MTUS2: variants seen among roughly 807,000 people sequenced by gnomAD.
MTUS2 encodes microtubule associated scaffold protein 2, also known as microtubule-associated tumor suppressor candidate 2.
MTUS2 carries 40 observed loss-of-function variants against 114.1 expected under a neutral mutation model. The ratio of observed to expected loss-of-function variants is 0.35; its 90% CI spans 0.27 to 0.46. The LOEUF (loss-of-function observed/expected upper bound fraction) is 0.46, where lower values mean the gene tolerates loss of function less well. Ranked by LOEUF, MTUS2 falls within the 20% of genes least tolerant of loss-of-function variation. The pLI is 1.00. For synonymous variants in MTUS2, 688 were observed against 672.0 expected (o/e 1.02, Z -0.37); for missense variants, 1,679 against 1,705.4 (o/e 0.98, Z 0.27).
chr13:28,865,216 C>A (rs1249281671), intron 2 of MTUS2, among the ~76,000 whole-genome samples: 1 of 152,120 alleles, frequency 6.6e-6, no homozygotes, highest in Non-Finnish European at 1.5e-5. Flanking sequence ...GGTTGAGTAG[C>A]TCTGGGCTGG....
chr13:29,325,455 CAA>C (rs761433335), intron 7 of MTUS2, among the ~76,000 whole-genome samples: 8 of 52,316 alleles, frequency 1.5e-4, no homozygotes, highest in African/African-American at 4.2e-4. Context: ...GACTTCATCT[CAA>C]AAAAAAAAAA....
chr13:29,098,393 C>T (rs1244358148), intron 4 of MTUS2, among the ~76,000 whole-genome samples: 1 of 152,062 alleles, frequency 6.6e-6, no homozygotes, highest in African/African-American at 2.4e-5. Context: ...ATTAGATTTA[C>T]AAAAATTGTA....
intron 9 of MTUS2, among the ~76,000 whole-genome samples, chr13:29,449,996 A>G (rs1472330610): frequency 1.3e-5 from 2 of 152,218 alleles, no homozygotes; most frequent in Non-Finnish European, 2.9e-5. Context: ...CCTTACAGCC[A>G]CTGTCCTATG....
Position 29,145,377 on chromosome 13 carries a change from G to A in MTUS2, c.2644+44407G>A, listed in dbSNP as rs147249113. The stretch of plus-strand genomic sequence containing the variant: ...TCTACTAAAAATACAAAAATGAGCC[G>A]GGCATGTTGGTGGGCACCTGTAATC... On this transcript the variant is annotated intron_variant, in intron 5 of 15. Coordinates refer to ENST00000612955, the MANE Select transcript of MTUS2 (RefSeq NM_001033602.4). Among the ~76,000 whole-genome samples, 226 of 152,066 alleles carry A rather than the reference G, an allele frequency of 1.5e-3. 1 individual carries two copies. Among genetic ancestry groups the A allele is most frequent in the African/African-American group, 4.9e-3 (203 of 41,476 alleles).
chr13:29,307,428 G>A, intron 6 of MTUS2: 1 of 1,275,458 alleles, frequency 7.8e-7, no homozygotes, highest in Admixed American at 1.7e-5. Flanking sequence ...CCAAGGCTGT[G>A]GCCAAGGTCA....
intron 9 of MTUS2, among the ~76,000 whole-genome samples, chr13:29,457,042 G>A (rs532594471): frequency 6.6e-6 from 1 of 151,898 alleles, no homozygotes; most frequent in South Asian, 2.1e-4. Context: ...CTACTCGGGA[G>A]GCTGAGGCAG....
At chr13:28,894,761 T>C (rs1360528845) in intron 2 of MTUS2, among the ~76,000 whole-genome samples, 1 of 152,218 alleles carries the variant, frequency 6.6e-6, no homozygotes, top group Non-Finnish European at 1.5e-5. Context: ...CAAATTTTGG[T>C]AAAGGGTAGG....
chr13:29,300,888 A>C (rs540014636), intron 6 of MTUS2, among the ~76,000 whole-genome samples: 4 of 152,340 alleles, frequency 2.6e-5, no homozygotes, highest in African/African-American at 9.6e-5. Flanking sequence ...GCTTATAAAC[A>C]ACGAACATTT....
chr13:28,932,202 T>C (rs746526490), intron 2 of MTUS2, among the ~76,000 whole-genome samples: 7 of 152,152 alleles, frequency 4.6e-5, no homozygotes, highest in Non-Finnish European at 1.0e-4. Context: ...AGAGTGGAAA[T>C]AGTAAGGTCT....
intron 2 of MTUS2, among the ~76,000 whole-genome samples, chr13:28,947,312 C>T (rs1882583302): frequency 6.6e-6 from 1 of 151,962 alleles, no homozygotes; most frequent in Non-Finnish European, 1.5e-5. Flanking sequence ...GGCTGTGCAA[C>T]CTGGAACTGA....
chr13:29,042,987 A>G (rs1887442037), intron 4 of MTUS2, among the ~76,000 whole-genome samples: 1 of 151,416 alleles, frequency 6.6e-6, no homozygotes, highest in East Asian at 1.9e-4. Context: ...GATCTTTGTT[A>G]GTTCTTTTCT....
At chr13:28,925,416 T>C (rs1881271913) in intron 2 of MTUS2, among the ~76,000 whole-genome samples, 1 of 152,254 alleles carries the variant, frequency 6.6e-6, no homozygotes, top group Non-Finnish European at 1.5e-5. Flanking sequence ...GTAATCAATT[T>C]AAGTATTTTA....
At chr13:29,169,139 G>A (rs1483055478) in intron 5 of MTUS2, among the ~76,000 whole-genome samples, 2 of 152,072 alleles carry the variant, frequency 1.3e-5, no homozygotes, top group African/African-American at 2.4e-5. Flanking sequence ...TCAAAATTAG[G>A]CCTTACTAAT....
rs186811905 is a variant in MTUS2, at chr13:29,334,404, G to A, written c.2905+9693G>A. ...GAGCTCTTGTAAGGCAGGCCTGGTG[G>A]TGACAAAATCTCTCAGTATTTGCTT... On this transcript the variant is annotated intron_variant, in intron 7 of 15. Transcript: ENST00000612955. Among the ~76,000 whole-genome samples the A allele has an allele frequency of 2.7e-3, 416 of 152,274 alleles. 2 individuals carry two copies. Among genetic ancestry groups the A allele is most frequent in the African/African-American group, 9.2e-3 (382 of 41,554 alleles).
In MTUS2 at chr13:28,905,875, A is replaced by G. The variant is rs939660948; in HGVS notation, c.-243+66025A>G. 7.9e-5 allele frequency among the ~76,000 whole-genome samples: 12 copies of G among 151,522 alleles called. 1 individual carries two copies. The highest frequency in any genetic ancestry group is 2.4e-4 in the African/African-American group (10 of 41,066). ...TCTGGTAGAATTTGGCTGTGAATCC[A>G]TGTGGTCCTGGACTCTTTTTGGTTG... On this transcript the variant is annotated intron_variant, in intron 2 of 15. Coordinates refer to ENST00000612955, the MANE Select transcript of MTUS2 (RefSeq NM_001033602.4).
chr13:29,011,910 A>G (rs1164405372), intron 2 of MTUS2, among the ~76,000 whole-genome samples: 1 of 152,232 alleles, frequency 6.6e-6, no homozygotes, highest in African/African-American at 2.4e-5. Flanking sequence ...AAGAAAGGAT[A>G]TGAGCTTCTG....
At position 29,480,427 on chromosome 13, in the gene MTUS2, C is replaced by T; in HGVS notation, c.3399+63C>T. ...GATGCAGGTGGCGGGCGGCGGGGATCCAGTGCCACATTAGCAAGAAGTCCT... is the reference window on the plus strand; with the variant it reads ...GATGCAGGTGGCGGGCGGCGGGGATTCAGTGCCACATTAGCAAGAAGTCCT... On this transcript the variant is annotated intron_variant, in intron 10 of 15. Transcript: ENST00000612955. This position sits in a 1 kb window ranked among gnomAD's most constrained non-coding sequence, Gnocchi z 4.4. 2 of 1,442,962 alleles carry T rather than the reference C, an allele frequency of 1.4e-6. No homozygotes were observed. The highest frequency in any genetic ancestry group is 1.8e-6 in the Non-Finnish European group (2 of 1,088,422). The allele number at this position is 1,442,962 out of a possible 1,614,324, so 89.4% of individuals were successfully genotyped here. A position where few individuals can be genotyped will look rare whatever the true frequency, so the allele number is the denominator to read the frequency against.
At chr13:28,975,595 T>C (rs1420140513) in intron 2 of MTUS2, among the ~76,000 whole-genome samples, 2 of 152,210 alleles carry the variant, frequency 1.3e-5, no homozygotes, top group Admixed American at 6.5e-5. Flanking sequence ...CTTTTCTCCA[T>C]CCTTCCTCTC....
rs146038996 is a variant in MTUS2, at chr13:29,291,657, C to T, written c.2806+9792C>T. The stretch of plus-strand genomic sequence containing the variant: ...GCTGACCTCATGAGATGGTTGAGGT[C>T]GTAGGGCTCGCTCGTTTAGAATATG... On this transcript the variant is annotated intron_variant, in intron 6 of 15. Transcript: ENST00000612955. Among the ~76,000 whole-genome samples, 165 of 152,254 alleles carry T rather than the reference C, an allele frequency of 1.1e-3. 1 individual carries two copies. Among genetic ancestry groups the T allele is most frequent in the African/African-American group, 3.7e-3 (153 of 41,550 alleles).
Sources: gnomAD v4.1 joint callset for allele counts (sites outside exome capture counted in the v4.1 genomes callset) on GRCh38, gnomAD v4.1.1 for gene constraint, Gnocchi (gnomAD v3.1) non-coding constraint, MANE v1.5 for transcripts, NCBI Gene and HGNC (gene_info 2026-07-23, HGNC 2026-07-21) for gene names.